The following AGBL4 variants were observed in gnomAD, a reference collection of about 807,000 sequenced individuals.
The protein encoded by AGBL4 is cytosolic carboxypeptidase 6.
A neutral mutation model predicts 66.4 loss-of-function variants in AGBL4; 58 were observed. The observed-to-expected ratio is 0.87, with a 90% confidence interval of 0.71 to 1.09. The LOEUF is 1.09. AGBL4 is among the 50% of genes least tolerant of loss of function. The pLI, the probability that AGBL4 is intolerant of heterozygous loss-of-function variation, is 0.00. For synonymous variants in AGBL4, 234 were observed against 222.9 expected, an observed-to-expected ratio of 1.05 and a Z score of -0.44; for missense variants, 579 against 631.0, an observed-to-expected ratio of 0.92 and a Z score of 0.88.
In AGBL4 at chr1:49,004,095, G is replaced by T. The variant is rs143137507; in HGVS notation, c.594+41489C>A. ...ATCTCATTTCCACATTATCTCAAGG[G>T]CTGGGCCTTCATTGAGCCTCCCTCT... is the stretch of plus-strand genomic sequence containing the variant. On this transcript the variant is annotated intron_variant, in intron 5 of 13. Coordinates refer to ENST00000371839, the MANE Select transcript of AGBL4 (RefSeq NM_032785.4). Among the ~76,000 whole-genome samples, 6 of 152,272 alleles carry T rather than the reference G, an allele frequency of 3.9e-5. No individual in the cohort carries two copies. The South Asian group carries it at 6.2e-4, about 16-fold the overall frequency.
rs555745572 is a variant in AGBL4, at chr1:49,550,503, C to T, written c.282+146810G>A. On this transcript the variant is annotated intron_variant, in intron 3 of 13. Coordinates refer to ENST00000371839, the MANE Select transcript of AGBL4 (RefSeq NM_032785.4). Reference sequence around the variant, plus strand: ...TCTTGTAGTGGTGGCTTGATAGTGGCGAATTCTCTCAGTATTTGTTTGTCT... The same window carrying T: ...TCTTGTAGTGGTGGCTTGATAGTGGTGAATTCTCTCAGTATTTGTTTGTCT... Among the ~76,000 whole-genome samples, 11 of 152,180 alleles carry T rather than the reference C, an allele frequency of 7.2e-5. No individual in the cohort carries two copies. The South Asian group carries it at 8.3e-4, about 11-fold the overall frequency.
Position 49,902,313 on chromosome 1 carries a change from T to G in AGBL4, c.35-50795A>C, listed in dbSNP as rs777538292. Among the ~76,000 whole-genome samples the G allele has an allele frequency of 3.3e-5, 5 of 152,242 alleles. No homozygotes were observed. The South Asian group carries it at 8.3e-4, about 25-fold the overall frequency. The stretch of plus-strand genomic sequence containing the variant: ...ACAAAAGTCTGATATCCAGAATCTA[T>G]AAGGACCTTAAAGAAATTCACAAGC... On this transcript the variant is annotated intron_variant, in intron 1 of 13. Transcript: ENST00000371839.
At chr1:49,747,091 G>C (rs1314689600) in intron 2 of AGBL4, among the ~76,000 whole-genome samples, 1 of 152,156 alleles carries the variant, frequency 6.6e-6, no homozygotes, top group East Asian at 1.9e-4. Context: ...CTTTGAGTTA[G>C]TCAAACCCAC....
chr1:49,105,640 C>G (rs1233880509), intron 4 of AGBL4, among the ~76,000 whole-genome samples: 1 of 152,170 alleles, frequency 6.6e-6, no homozygotes, highest in African/African-American at 2.4e-5. Flanking sequence ...CTGTGTAACT[C>G]AGTAGCTGTG....
chr1:49,550,036 T>A (rs1652828828), intron 3 of AGBL4, among the ~76,000 whole-genome samples: 1 of 152,224 alleles, frequency 6.6e-6, no homozygotes, highest in South Asian at 2.1e-4. Flanking sequence ...TTACATAATG[T>A]CCCTCTTTGT....
At chr1:49,473,234 G>T (rs886436589) in intron 3 of AGBL4, among the ~76,000 whole-genome samples, 8 of 151,958 alleles carry the variant, frequency 5.3e-5, no homozygotes, top group African/African-American at 1.7e-4. Context: ...CTTCCCACAG[G>T]GGCTGAACTA....
intron 4 of AGBL4, among the ~76,000 whole-genome samples, chr1:49,097,010 C>T (rs1482108651): frequency 6.6e-6 from 1 of 152,150 alleles, no homozygotes; most frequent in Non-Finnish European, 1.5e-5. Context: ...GGAACTAGCC[C>T]TGCCAACAAT....
At chr1:49,302,613 ATT>A (rs1451729450) in intron 3 of AGBL4, among the ~76,000 whole-genome samples, 2 of 74,086 alleles carry the variant, frequency 2.7e-5, no homozygotes, top group African/African-American at 2.4e-4. Flanking sequence ...TTATTTTTTT[ATT>A]TTATTTTATT....
chr1:49,596,877 G>C (rs1172742700), intron 3 of AGBL4, among the ~76,000 whole-genome samples: 1 of 152,194 alleles, frequency 6.6e-6, no homozygotes, highest in Admixed American at 6.5e-5. Flanking sequence ...GAGGAACAGA[G>C]CATAAAGTGC....
chr1:49,513,946 G>C (rs772834040), intron 3 of AGBL4, among the ~76,000 whole-genome samples: 1 of 152,018 alleles, frequency 6.6e-6, no homozygotes, highest in South Asian at 2.1e-4. Flanking sequence ...CATGGGCTAA[G>C]ACTGGCCCCT....
intron 6 of AGBL4, among the ~76,000 whole-genome samples, chr1:48,831,368 CA>C (rs1193875681): frequency 6.6e-6 from 1 of 152,098 alleles, no homozygotes; most frequent in African/African-American, 2.4e-5. Context: ...CTCTTGTTAC[CA>C]AAATATTTTG....
chr1:49,854,045 T>G (rs1646370473), intron 1 of AGBL4, among the ~76,000 whole-genome samples: 5 of 151,616 alleles, frequency 3.3e-5, no homozygotes. Flanking sequence ...TTTCTTATTT[T>G]CAATCACTCT....
At chr1:49,007,741 G>C (rs12039863) in intron 5 of AGBL4, among the ~76,000 whole-genome samples, 1 of 149,948 alleles carries the variant, frequency 6.7e-6, no homozygotes, top group African/African-American at 2.5e-5. Flanking sequence ...TTAAAGAAAA[G>C]AATTTTCAAC....
At position 49,648,376 on chromosome 1, in the gene AGBL4, C is replaced by T. The variant is rs573595778; in HGVS notation, c.282+48937G>A. ...AACAGAATATCCAAAACCTGTAATA[C>T]GACTACAAAATGTGCAACATACACA... is the stretch of plus-strand genomic sequence containing the variant. On this transcript the variant is annotated intron_variant, in intron 3 of 13. Coordinates refer to ENST00000371839, the MANE Select transcript of AGBL4 (RefSeq NM_032785.4). Among the ~76,000 whole-genome samples, 17 of 147,922 alleles carry T rather than the reference C, an allele frequency of 1.1e-4. 1 individual carries two copies. Among genetic ancestry groups the T allele is most frequent in the South Asian group, 8.5e-4 (4 of 4,726 alleles).
At chr1:49,950,130 A>ATATATACACATATGTGTG (rs1557612314) in intron 1 of AGBL4, among the ~76,000 whole-genome samples, 2 of 141,078 alleles carry the variant, frequency 1.4e-5, no homozygotes, top group Admixed American at 7.0e-5. Flanking sequence ...ACATATGTGT[A>ATATATACACATATGTGTG]TATATATACA....
intron 3 of AGBL4, among the ~76,000 whole-genome samples, chr1:49,350,888 T>C (rs12725943): frequency 0.41 from 62,551 of 152,040 alleles, 16,368 homozygotes; most frequent in Non-Finnish European, 0.58. Flanking sequence ...TCTAAATTTA[T>C]TTCAGCTTTA....
At chr1:48,606,552 C>G (rs1373223791) in intron 9 of AGBL4, among the ~76,000 whole-genome samples, 1 of 152,188 alleles carries the variant, frequency 6.6e-6, no homozygotes, top group Non-Finnish European at 1.5e-5. Flanking sequence ...AAATCACCTT[C>G]TTGCCTCTGT....
chr1:49,304,200 T>C (rs1400970716), intron 3 of AGBL4, among the ~76,000 whole-genome samples: 2 of 152,216 alleles, frequency 1.3e-5, no homozygotes, highest in Non-Finnish European at 1.5e-5. Flanking sequence ...TGCATATGGC[T>C]AGTCAGTTTT....
intron 1 of AGBL4, among the ~76,000 whole-genome samples, chr1:49,912,546 A>C (rs1650960525): frequency 6.6e-6 from 1 of 152,200 alleles, no homozygotes; most frequent in African/African-American, 2.4e-5. Flanking sequence ...TTTTATCAGA[A>C]ACTGGAGTAC....
Sources: allele counts gnomAD v4.1 joint callset (sites outside exome capture counted in the v4.1 genomes callset), GRCh38; gene constraint gnomAD v4.1.1; transcripts MANE v1.5; gene names NCBI Gene and HGNC (gene_info 2026-07-23, HGNC 2026-07-21).